The following CNOT8 variants were observed in gnomAD, a reference collection of about 807,000 sequenced individuals.
CNOT8 encodes CAF1-like protein.
CNOT8 carries 18 observed loss-of-function variants against 34.6 expected under a neutral mutation model. The ratio of observed to expected loss-of-function variants is 0.52; its 90% CI spans 0.36 to 0.77. CNOT8 has a LOEUF of 0.77. CNOT8 is among the 30% of genes least tolerant of loss of function. The pLI is 0.00. For synonymous variants in CNOT8, 101 were observed against 118.8 expected (o/e 0.85, Z 0.98); for missense variants, 189 against 347.9 (o/e 0.54, Z 3.63).
At chr5:154,873,378 T>G (rs2544891) in intron 6 of CNOT8, among the ~76,000 whole-genome samples, 135,454 of 152,230 alleles carry the variant, frequency 0.89, 61,053 homozygotes, top group African/African-American at 0.97. Flanking sequence ...CATGTTCTTG[T>G]CAGCTCTAAT....
At chr5:154,874,182 G>A (rs1386130919) in intron 6 of CNOT8, among the ~76,000 whole-genome samples, 1 of 152,102 alleles carries the variant, frequency 6.6e-6, no homozygotes, top group Non-Finnish European at 1.5e-5. Context: ...TTAAACAGCA[G>A]CAGCACAGAG....
In CNOT8 at chr5:154,868,646, G is replaced by A. The variant is rs373590638; in HGVS notation, c.312-2015G>A. ...AGGGCATCTAAAACGCCAGTTCATG[G>A]AACAGGCACTTCTTTCTCCCACTCC... is the stretch of plus-strand genomic sequence containing the variant. On this transcript the variant is annotated intron_variant, in intron 3 of 6. Coordinates refer to ENST00000285896, the MANE Select transcript of CNOT8 (RefSeq NM_001301073.2). Among the ~76,000 whole-genome samples the A allele has an allele frequency of 2.0e-5, 3 of 152,304 alleles. No homozygotes were observed. In the South Asian group the frequency reaches 6.2e-4, roughly 32 times the overall value.
chr5:154,874,208 G>C (rs563261113), intron 6 of CNOT8, among the ~76,000 whole-genome samples: 1 of 152,098 alleles, frequency 6.6e-6, no homozygotes, highest in East Asian at 1.9e-4. Context: ...GGCAGTAAAA[G>C]AATACATGGA....
intron 1 of CNOT8, chr5:154,859,385 C>T (rs1283209980): frequency 1.3e-5 from 2 of 152,108 alleles, no homozygotes; most frequent in Admixed American, 6.6e-5. Flanking sequence ...TCTTGGTGTT[C>T]TATGGCTTTA....
chr5:154,860,794 A>G (rs1196364830), intron 1 of CNOT8, among the ~76,000 whole-genome samples: 1 of 152,160 alleles, frequency 6.6e-6, no homozygotes, highest in African/African-American at 2.4e-5. Flanking sequence ...AATGGCTTAC[A>G]TATTTTTGCC....
In CNOT8 at chr5:154,870,706, A is replaced by C; in HGVS notation, c.357A>C (p.Ser119=). The C allele has an allele frequency of 6.2e-7, 1 of 1,614,096 alleles. No individual in the cohort carries two copies. Among genetic ancestry groups the C allele is most frequent in the Non-Finnish European group, 8.5e-7 (1 of 1,179,962 alleles). ...SQDSIDLLAN[S]GLQFQKHEEE... ...ATTCCATAGATCTCCTTGCTAACTCAGGACTACAGTTTCAGAAGCATGAAG... is the reference window on the plus strand; with the variant it reads ...ATTCCATAGATCTCCTTGCTAACTCCGGACTACAGTTTCAGAAGCATGAAG... The change falls in exon 4 of 7, where the codon TCA becomes TCC. Residue 119 remains serine (S), a synonymous_variant. Coordinates refer to ENST00000285896, the MANE Select transcript of CNOT8 (RefSeq NM_001301073.2).
chr5:154,875,339 A>G lies in CNOT8; in HGVS notation c.779A>G (p.Tyr260Cys). 1 of 1,614,114 alleles carries G rather than the reference A, an allele frequency of 6.2e-7. No individual in the cohort carries two copies. Among genetic ancestry groups the G allele is most frequent in the Non-Finnish European group, 8.5e-7 (1 of 1,180,020 alleles). ...IDDAKYCGRL[Y>C]GLGTGVAQKQ... The stretch of plus-strand genomic sequence containing the variant: ...GATGCCAAGTACTGTGGGCGGCTCT[A>G]TGGCTTAGGCACAGGAGTGGCCCAG... The change falls in exon 7 of 7, where the codon TAT becomes TGT. Residue 260 changes from tyrosine (Y) to cysteine (C), a missense_variant. By Grantham distance (194) the Tyr-to-Cys change is radical (BLOSUM62 -2). Coordinates refer to ENST00000285896, the MANE Select transcript of CNOT8 (RefSeq NM_001301073.2).
Position 154,875,401 on chromosome 5 carries a change from A to T in CNOT8, c.841A>T (p.Met281Leu). The T allele has an allele frequency of 6.2e-7, 1 of 1,614,014 alleles. No homozygotes were observed. Among genetic ancestry groups the T allele is most frequent in the Non-Finnish European group, 8.5e-7 (1 of 1,180,026 alleles). The change falls in exon 7 of 7, where the codon ATG (methionine) becomes TTG (leucine). Residue 281 changes from methionine (M) to leucine (L), a missense_variant. Around this residue, in one of 2 missense-constraint regions of CNOT8, gnomAD observed 29 missense variants for 26.1 expected, o/e 1.11. Coordinates refer to ENST00000285896, the MANE Select transcript of CNOT8 (RefSeq NM_001301073.2). ...GGATGTGGACTCTGCCCAGGAGAAG[A>T]TGAGCATCCTGGCGATTATCAACAA... ...NEDVDSAQEK[M>L]SILAIINNMQ...
At chr5:154,869,858 C>G (rs1463961952) in intron 3 of CNOT8, among the ~76,000 whole-genome samples, 1 of 151,904 alleles carries the variant, frequency 6.6e-6, no homozygotes, top group Non-Finnish European at 1.5e-5. Context: ...CTCTTGACCT[C>G]GTGATCCGCC....
chr5:154,859,803 A>C (rs1017899953), intron 1 of CNOT8: 1 of 152,348 alleles, frequency 6.6e-6, no homozygotes, highest in African/African-American at 2.4e-5. Context: ...TACACCGTAG[A>C]TGAACGGGAG....
At chr5:154,867,868 A>G (rs965951267) in intron 3 of CNOT8, 1 of 159,564 alleles carries the variant, frequency 6.3e-6, no homozygotes, top group African/African-American at 2.4e-5. Flanking sequence ...TGTACAAAGA[A>G]GCTAGATTTG....
At position 154,865,359 on chromosome 5, in the gene CNOT8, G is replaced by C; in HGVS notation, c.285G>C (p.Trp95Cys). 6.3e-7 allele frequency: 1 copy of C among 1,583,632 alleles called. No individual in the cohort carries two copies. The part of the protein sequence containing the change: ...KGEYPSGINT[W>C]QFNFKFNLTE... ...AGTATCCTTCTGGAATCAATACTTGGCAGTTCAATTTCAAATTTAACCTTA... is the reference window on the plus strand; with the variant it reads ...AGTATCCTTCTGGAATCAATACTTGCCAGTTCAATTTCAAATTTAACCTTA... Residue 95 changes from tryptophan to cysteine, a missense_variant, in exon 3 of 7, where the codon TGG (tryptophan) becomes TGC (cysteine). By Grantham distance (215) the Trp-to-Cys change is radical (BLOSUM62 -2). Around this residue, in one of 2 missense-constraint regions of CNOT8, gnomAD observed 160 missense variants for 321.9 expected, o/e 0.50. Transcript: ENST00000285896.
intron 3 of CNOT8, among the ~76,000 whole-genome samples, chr5:154,865,790 A>C (rs1761809040): frequency 6.6e-6 from 1 of 152,162 alleles, no homozygotes; most frequent in Non-Finnish European, 1.5e-5. Flanking sequence ...ATTTTGGGGG[A>C]AATTCTGGAA....
At chr5:154,872,000 T>A in intron 5 of CNOT8, 126 bp downstream of exon 5, 1 of 770,130 alleles carries the variant, frequency 1.3e-6, no homozygotes. Context: ...GTAGACAGGG[T>A]ATAATATAAA....
chr5:154,866,582 G>A (rs759689047), intron 3 of CNOT8, among the ~76,000 whole-genome samples: 1 of 152,088 alleles, frequency 6.6e-6, no homozygotes, highest in Admixed American at 6.6e-5. Context: ...ATTTCACTGA[G>A]TGGTTTGGGT....
At chr5:154,869,063 C>T (rs141960770) in intron 3 of CNOT8, among the ~76,000 whole-genome samples, 1,591 of 152,084 alleles carry the variant, frequency 0.01, 22 homozygotes, top group African/African-American at 0.035. Flanking sequence ...AGCTGGAAGG[C>T]GCGTCAGGTC....
intron 4 of CNOT8, 118 bp from the exon 5 acceptor site, chr5:154,871,604 ACTACTCAG>A: frequency 1.2e-6 from 1 of 823,142 alleles, no homozygotes. Context: ...AGTACGATAA[ACTACTCAG>A]AAAAAGTGAA....
intron 3 of CNOT8, chr5:154,867,648 C>A: frequency 3.9e-6 from 1 of 258,912 alleles, no homozygotes; most frequent in Non-Finnish European, 7.8e-6. Flanking sequence ...AAAAAGAAAA[C>A]TTAATTTCTT....
intron 4 of CNOT8, 103 bp downstream of exon 4, chr5:154,870,925 G>A: frequency 1.0e-6 from 1 of 973,250 alleles, no homozygotes; most frequent in Non-Finnish European, 1.5e-6. Flanking sequence ...GTTCTGTTCA[G>A]CAGCAGCAGC....
Sources: allele counts gnomAD v4.1 joint callset (sites outside exome capture counted in the v4.1 genomes callset), GRCh38; gene constraint gnomAD v4.1.1; regional missense constraint gnomAD v4.1.1; transcripts MANE v1.5; gene names NCBI Gene and HGNC (gene_info 2026-07-23, HGNC 2026-07-21).